ALS2: variants seen among roughly 807,000 people sequenced by gnomAD.
ALS2 encodes the protein alsin.
Under a neutral mutation model 203.4 loss-of-function variants are expected in ALS2, and 117 were observed. That is an observed-to-expected ratio of 0.58 (90% CI 0.50 to 0.67). ALS2 has a LOEUF of 0.67. Among genes scored for constraint, ALS2 ranks in the 30% least tolerant of loss-of-function variants. The pLI, the probability that ALS2 is intolerant of heterozygous loss-of-function variation, is 0.00. For missense variants in ALS2, 1,715 were observed against 1,989.4 expected (o/e 0.86, Z 2.62); for synonymous variants, 718 against 725.9 (o/e 0.99, Z 0.17).
chr2:201,760,041 G>C, intron 4 of ALS2: 2 of 977,398 alleles, frequency 2.0e-6, no homozygotes, highest in Non-Finnish European at 2.4e-6. Context: ...ATATAAAATA[G>C]GCTGGGCATG....
In ALS2 at chr2:201,709,864, G is replaced by A. The variant is rs1214794465; in HGVS notation, c.4280+17C>T. The A allele has an allele frequency of 2.5e-5, 41 of 1,613,756 alleles. No homozygotes were observed. In the Admixed American group the frequency reaches 6.8e-4, roughly 27 times the overall value. On this transcript the variant is annotated intron_variant, in intron 27 of 33. Coordinates refer to ENST00000264276, the MANE Select transcript of ALS2 (RefSeq NM_020919.4). ...AGTATTCCATAGCCCGCAGACTTTAGTGAAAAGCTCTCTTACCTCACCAGC... is the reference window on the plus strand; with the variant it reads ...AGTATTCCATAGCCCGCAGACTTTAATGAAAAGCTCTCTTACCTCACCAGC...
intron 1 of ALS2, among the ~76,000 whole-genome samples, chr2:201,770,670 A>T (rs898612087): frequency 6.6e-6 from 1 of 152,188 alleles, no homozygotes; most frequent in Non-Finnish European, 1.5e-5. Context: ...AATCATAAAC[A>T]TCCTTAAAAG....
intron 3 of ALS2, among the ~76,000 whole-genome samples, chr2:201,764,836 T>A (rs996335061): frequency 3.3e-5 from 5 of 152,174 alleles, no homozygotes. Flanking sequence ...CATACACTTG[T>A]GTTAGACGAC....
chr2:201,759,754 T>G, intron 4 of ALS2: 2 of 985,066 alleles, frequency 2.0e-6, no homozygotes, highest in Non-Finnish European at 2.4e-6. Context: ...TCTGACAGAG[T>G]AAACAATAAG....
At chr2:201,720,663 G>A (rs1452179997) in intron 23 of ALS2, among the ~76,000 whole-genome samples, 1 of 151,728 alleles carries the variant, frequency 6.6e-6, no homozygotes, top group Non-Finnish European at 1.5e-5. Flanking sequence ...GCAGGGAGCT[G>A]AGAACACGCC....
At chr2:201,711,634 C>T (rs1219807877) in intron 25 of ALS2, among the ~76,000 whole-genome samples, 1 of 152,048 alleles carries the variant, frequency 6.6e-6, no homozygotes, top group Non-Finnish European at 1.5e-5. Flanking sequence ...ACAATGTAAG[C>T]ACATAACGGG....
At chr2:201,751,009 C>A (rs544401555) in intron 7 of ALS2, among the ~76,000 whole-genome samples, 10 of 151,964 alleles carry the variant, frequency 6.6e-5, no homozygotes, top group Non-Finnish European at 1.3e-4. Flanking sequence ...CCTGTCATCA[C>A]GCCCGGCTAA....
At chr2:201,705,392 T>A (rs1258324184) in intron 30 of ALS2, 24 bp downstream of exon 30, 1 of 1,612,070 alleles carries the variant, frequency 6.2e-7, no homozygotes. Flanking sequence ...GCATATTTGC[T>A]GAGGAAAAGA....
At chr2:201,738,840 G>T in intron 11 of ALS2, 105 bp from the exon 12 acceptor site, 1 of 1,017,386 alleles carries the variant, frequency 9.8e-7, no homozygotes, top group Non-Finnish European at 1.5e-6. Context: ...TTTCACCAAT[G>T]AATTTCAGAA....
rs577050134 is a variant in ALS2 at position 201,749,932 on chromosome 2, C to T, written c.1738-143G>A. ...CTTATATTAGTCTTTCACTCTTTAA[C>T]AGATATTAAGGAAATTCATTTTTAA... On this transcript the variant is annotated intron_variant, in intron 7 of 33. Transcript: ENST00000264276. 49 of 721,644 alleles carry T rather than the reference C, an allele frequency of 6.8e-5. No homozygotes were observed. In the African/African-American group the frequency reaches 7.4e-4, roughly 11 times the overall value. The allele number at this position is 721,644 out of a possible 1,614,324, so 44.7% of individuals were successfully genotyped here. A position where few individuals can be genotyped will look rare whatever the true frequency, so the allele number is the denominator to read the frequency against.
rs761291489 is a variant in ALS2, at chr2:201,711,091, C to T, written c.4022G>A (p.Arg1341His). ...QHRDSPEILSRSQTQTLESLE... is the reference protein window; with the variant it reads ...QHRDSPEILSHSQTQTLESLE... ...ACTCTCTAGTGTCTGAGTCTGTGAA[C>T]GACTCAGTATTTCTGGACTATAAAA... Residue 1341 changes from arginine to histidine, a missense_variant, in exon 26 of 34, where the codon CGT becomes CAT. Arg to His is a conservative substitution (Grantham distance 29, BLOSUM62 0). This residue lies in a region of ALS2 where 1,227 missense variants were observed against 1,413.5 expected (regional missense o/e 0.87). Transcript: ENST00000264276. 1.3e-5 allele frequency: 21 copies of T among 1,602,752 alleles called. No homozygotes were observed. The highest frequency in any genetic ancestry group is 2.7e-5 in the African/African-American group (2 of 74,646).
At chr2:201,741,563 T>C in intron 11 of ALS2, 111 bp downstream of exon 11, 1 of 1,173,530 alleles carries the variant, frequency 8.5e-7, no homozygotes. Flanking sequence ...CTTTGCAATT[T>C]CTATTACCTT....
Position 201,760,908 on chromosome 2 carries a change from C to T in ALS2, c.1086G>A (p.Glu362=), listed in dbSNP as rs769797323. The T allele has an allele frequency of 2.8e-5, 45 of 1,613,930 alleles. No individual in the cohort carries two copies. The highest frequency in any genetic ancestry group is 1.0e-5 in the Non-Finnish European group (12 of 1,179,918). ...GAGATGGCACTGGCTTTTCACCATG[C>T]TCTGAGTCCTCTCTTACTGAATGAT... is the stretch of plus-strand genomic sequence containing the variant. ...LSDHSVREDS[E]HGEKPVPSQP... The change falls in exon 4 of 34, where the codon GAG becomes GAA. Residue 362 remains glutamate, a synonymous_variant. Coordinates refer to ENST00000264276, the MANE Select transcript of ALS2 (RefSeq NM_020919.4).
At position 201,738,633 on chromosome 2, in the gene ALS2, G is replaced by A. The variant is rs78012094; in HGVS notation, c.2417+37C>T. The A allele has an allele frequency of 6.4e-5, 102 of 1,586,716 alleles. 2 individuals carry two copies. In the East Asian group the frequency reaches 1.4e-3, roughly 21 times the overall value. On this transcript the variant is annotated intron_variant, in intron 12 of 33. Transcript: ENST00000264276. ...AGCACTATAAAATGTCATCTTTGGCGGAGAGAATGATAACTGGAAGGTGTG... is the reference window on the plus strand; with the variant it reads ...AGCACTATAAAATGTCATCTTTGGCAGAGAGAATGATAACTGGAAGGTGTG...
intron 8 of ALS2, among the ~76,000 whole-genome samples, chr2:201,747,244 CCA>C (rs1474043393): frequency 6.6e-6 from 1 of 152,164 alleles, no homozygotes; most frequent in African/African-American, 2.4e-5. Context: ...TGGAACTCTA[CCA>C]GTCCTACGTG....
At chr2:201,724,220 T>C in intron 21 of ALS2, 75 bp downstream of exon 21, 1 of 1,481,062 alleles carries the variant, frequency 6.8e-7, no homozygotes, top group Non-Finnish European at 9.4e-7. Context: ...ACAAAATAAG[T>C]ATAAACTGCT....
chr2:201,750,179 AAAAG>A (rs1023592345), intron 7 of ALS2, among the ~76,000 whole-genome samples: 3 of 151,280 alleles, frequency 2.0e-5, no homozygotes, highest in African/African-American at 7.2e-5. Flanking sequence ...AAAAAAAAAA[AAAAG>A]AAAAGAAAAG....
intron 24 of ALS2, 78 bp downstream of exon 24, chr2:201,717,999 A>G (rs1384222754): frequency 6.9e-7 from 1 of 1,456,660 alleles, no homozygotes; most frequent in Non-Finnish European, 9.4e-7. Flanking sequence ...TTGCTTTTAA[A>G]ATATTAACCA....
intron 1 of ALS2, among the ~76,000 whole-genome samples, chr2:201,771,115 C>T (rs1366196329): frequency 1.4e-5 from 2 of 146,002 alleles, no homozygotes; most frequent in African/African-American, 2.6e-5. Context: ...GGCACGCTCT[C>T]GGTTCATTGC....
Sources: gnomAD v4.1 joint callset for allele counts (sites outside exome capture counted in the v4.1 genomes callset) on GRCh38, gnomAD v4.1.1 for gene constraint, gnomAD v4.1.1 regional missense constraint, MANE v1.5 for transcripts, NCBI Gene and HGNC (gene_info 2026-07-23, HGNC 2026-07-21) for gene names.